Variants in SEMA5A observed in about 807,000 individuals in gnomAD.
The protein encoded by SEMA5A is semaphorin-5A.
Under a neutral mutation model 135.5 loss-of-function variants are expected in SEMA5A, and 55 were observed. The observed-to-expected ratio is 0.41, with a 90% CI of 0.33 to 0.51. The LOEUF is 0.51. Ranked by LOEUF, SEMA5A falls within the 20% of genes least tolerant of loss-of-function variation. The pLI, the probability that SEMA5A is intolerant of heterozygous loss-of-function variation, is 0.37. For missense variants in SEMA5A, 1,290 were observed against 1,419.9 expected, an observed-to-expected ratio of 0.91 and a Z score of 1.47; for synonymous variants, 580 against 546.5, an observed-to-expected ratio of 1.06 and a Z score of -0.85.
chr5:9,108,385 G>A, intron 15 of SEMA5A, 98 bp from the exon 16 acceptor site: 3 of 1,401,810 alleles, frequency 2.1e-6, no homozygotes, highest in Non-Finnish European at 3.0e-6. Flanking sequence ...TTGAACACAT[G>A]GGCATGCTCT....
intron 2 of SEMA5A, among the ~76,000 whole-genome samples, chr5:9,405,519 T>G (rs1449761693): frequency 6.6e-6 from 1 of 152,178 alleles, no homozygotes; most frequent in Non-Finnish European, 1.5e-5. Flanking sequence ...AAAGTGAGAA[T>G]ACTAGACTCA....
chr5:9,184,853 T>C (rs1256195971), intron 11 of SEMA5A, among the ~76,000 whole-genome samples: 1 of 152,196 alleles, frequency 6.6e-6, no homozygotes, highest in Admixed American at 6.5e-5. Flanking sequence ...TTCTGTAGAC[T>C]GAAGTGACAG....
Position 9,488,254 on chromosome 5 carries a change from T to G in SEMA5A, c.-174-50402A>C, listed in dbSNP as rs931881774. ...GAATTACTGGCTCTTTCCTCCTTCC[T>G]TGGACATGTAAAATTGGTCTAGATT... On this transcript the variant is annotated intron_variant, in intron 1 of 22. Transcript: ENST00000382496. Among the ~76,000 whole-genome samples, 5 of 152,164 alleles carry G rather than the reference T, an allele frequency of 3.3e-5. No individual in the cohort carries two copies. In the East Asian group the frequency reaches 9.6e-4, roughly 29 times the overall value.
intron 1 of SEMA5A, among the ~76,000 whole-genome samples, chr5:9,491,261 A>T (rs900450760): frequency 5.9e-5 from 9 of 152,104 alleles, no homozygotes; most frequent in African/African-American, 2.2e-4. Flanking sequence ...GATGAACAGG[A>T]GAGCACAGGG....
At chr5:9,514,088 A>G (rs1438328213) in intron 1 of SEMA5A, among the ~76,000 whole-genome samples, 1 of 152,134 alleles carries the variant, frequency 6.6e-6, no homozygotes, top group Non-Finnish European at 1.5e-5. Flanking sequence ...TCCAGCTTCT[A>G]GAGCTGCTTG....
In SEMA5A at chr5:9,044,531, A is replaced by C; in HGVS notation, c.2947T>G (p.Cys983Gly). Residue 983 changes from cysteine (C) to glycine (G), a missense_variant, in exon 22 of 23, where the codon TGC becomes GGC. Cys to Gly is a radical substitution (Grantham distance 159). Transcript: ENST00000382496. The part of the protein sequence containing the change: ...AVGLSSSILG[C>G]LLTLLVYTYC... ...GTATAGACGAGCAGGGTGAGGAGGCAGCCGAGGATGGAGCTGCTCAGCCCC... is the reference window on the plus strand; with the variant it reads ...GTATAGACGAGCAGGGTGAGGAGGCCGCCGAGGATGGAGCTGCTCAGCCCC... The C allele has an allele frequency of 6.2e-7, 1 of 1,614,044 alleles. No individual in the cohort carries two copies.
intron 18 of SEMA5A, among the ~76,000 whole-genome samples, chr5:9,058,119 A>AT (rs1298776923): frequency 1.3e-5 from 2 of 152,062 alleles, no homozygotes; most frequent in Admixed American, 6.6e-5. Context: ...ACTAAAATAG[A>AT]TTTTTTTCCC....
At chr5:9,353,312 G>GA in intron 3 of SEMA5A, among the ~76,000 whole-genome samples, 1 of 63,574 alleles carries the variant, frequency 1.6e-5, no homozygotes, top group South Asian at 5.7e-4. Flanking sequence ...GGGAAGGGAA[G>GA]GGAAAGGAAG....
At chr5:9,171,840 G>A (rs191706471) in intron 11 of SEMA5A, among the ~76,000 whole-genome samples, 108 of 152,282 alleles carry the variant, frequency 7.1e-4, no homozygotes, top group Admixed American at 6.4e-3. Context: ...GAGATGGGAC[G>A]AGAGGGAGCG....
intron 1 of SEMA5A, among the ~76,000 whole-genome samples, chr5:9,526,913 C>A (rs998680817): frequency 6.6e-6 from 1 of 152,174 alleles, no homozygotes; most frequent in Non-Finnish European, 1.5e-5. Flanking sequence ...ACTTCTCAAG[C>A]TGTTCCCCTT....
At chr5:9,318,276 G>T in intron 5 of SEMA5A, 96 bp downstream of exon 5, 1 of 1,229,510 alleles carries the variant, frequency 8.1e-7, no homozygotes, top group Non-Finnish European at 1.2e-6. Flanking sequence ...TGCTCAGGCT[G>T]GATTAACACC....
chr5:9,094,394 T>A (rs1739208955), intron 16 of SEMA5A, among the ~76,000 whole-genome samples: 1 of 151,872 alleles, frequency 6.6e-6, no homozygotes, highest in African/African-American at 2.4e-5. Context: ...ACAGGCAGAG[T>A]TTCTTTCTTC....
chr5:9,317,749 C>G (rs1752453990), intron 5 of SEMA5A, among the ~76,000 whole-genome samples: 1 of 152,060 alleles, frequency 6.6e-6, no homozygotes, highest in African/African-American at 2.4e-5. Flanking sequence ...ATATTTGTGT[C>G]TTAACTCTCT....
chr5:9,366,667 C>A (rs1054553137), intron 3 of SEMA5A, among the ~76,000 whole-genome samples: 1 of 152,184 alleles, frequency 6.6e-6, no homozygotes, highest in Non-Finnish European at 1.5e-5. Context: ...GGATTACAGG[C>A]GTGAGCCACC....
At chr5:9,065,088 C>G (rs1288613341) in intron 17 of SEMA5A, among the ~76,000 whole-genome samples, 2 of 152,162 alleles carry the variant, frequency 1.3e-5, no homozygotes, top group Admixed American at 6.5e-5. Context: ...ACATAAAATA[C>G]TGTATGAAAG....
intron 5 of SEMA5A, among the ~76,000 whole-genome samples, chr5:9,250,957 C>G (rs1049588601): frequency 4.6e-5 from 7 of 152,076 alleles, no homozygotes; most frequent in African/African-American, 1.4e-4. Flanking sequence ...TAATGCTCCA[C>G]CAAAATTTAT....
chr5:9,280,652 G>T (rs1750495469), intron 5 of SEMA5A: 1 of 221,398 alleles, frequency 4.5e-6, no homozygotes, highest in Non-Finnish European at 9.5e-6. Flanking sequence ...AGTTATTTTG[G>T]TACATAGGCA....
At chr5:9,427,309 C>T (rs1189804870) in intron 2 of SEMA5A, among the ~76,000 whole-genome samples, 2 of 151,368 alleles carry the variant, frequency 1.3e-5, no homozygotes, top group African/African-American at 2.4e-5. Context: ...GACTCTGTCT[C>T]GGGGGGGAAA....
At chr5:9,196,040 T>C (rs556867246) in intron 10 of SEMA5A, among the ~76,000 whole-genome samples, 11 of 152,350 alleles carry the variant, frequency 7.2e-5, no homozygotes, top group African/African-American at 2.6e-4. Context: ...TTACCCACCA[T>C]AGCACTGCCA....
Sources: allele counts gnomAD v4.1 joint callset (sites outside exome capture counted in the v4.1 genomes callset), GRCh38; gene constraint gnomAD v4.1.1; transcripts MANE v1.5; gene names NCBI Gene and HGNC (gene_info 2026-07-23, HGNC 2026-07-21).